Variants in RBM41 observed in about 807,000 individuals in gnomAD.
The protein encoded by RBM41 is RNA-binding protein 41.
In RBM41, 14 loss-of-function variants were observed where a neutral mutation model predicts 30.8. The observed-to-expected ratio is 0.45, with a 90% CI of 0.30 to 0.71. The LOEUF (loss-of-function observed/expected upper bound fraction) is 0.71, where lower values mean the gene tolerates loss of function less well. Among genes scored for constraint, RBM41 ranks in the 30% least tolerant of loss-of-function variants. The pLI is 0.08. For missense variants in RBM41, 276 were observed against 326.3 expected (o/e 0.85, Z 1.19); for synonymous variants, 120 against 110.1 (o/e 1.09, Z -0.56).
chrX:107,053,507 T>C, the RBM41 span, among the ~76,000 whole-genome samples: 2 of 113,078 alleles, frequency 1.8e-5, no homozygotes, highest in African/African-American at 6.4e-5. Context: ...ATTTCTGTGC[T>C]GAAGTTGTTC....
Position 107,067,037 on chromosome X carries a change from G to A in RBM41, c.*490C>T, listed in dbSNP as rs1935866392. 1.3e-6 allele frequency: 1 copy of A among 749,713 alleles called. No homozygotes were observed. Among genetic ancestry groups the A allele is most frequent in the Admixed American group, 8.9e-5 (1 of 11,242 alleles). The allele number at this position is 749,713 out of a possible 1,213,427, so 61.8% of individuals were successfully genotyped here. ...AAACTACCTACTATTACTGCTGATA[G>A]TTCTGACTTAATAGCATTTGTTGAT... On this transcript the variant is annotated 3_prime_UTR_variant, in exon 8 of 8. Transcript: ENST00000685964.
chrX:107,074,668 G>A (rs769513188), intron 6 of RBM41, among the ~76,000 whole-genome samples: 2 of 111,468 alleles, frequency 1.8e-5, no homozygotes, highest in East Asian at 5.6e-4. Context: ...CATTTACAAC[G>A]GTATTGAAAA....
At chrX:107,058,168 C>T (rs561555855), downstream of RBM41, among the ~76,000 whole-genome samples, 101 of 109,245 alleles carry the variant, frequency 9.2e-4, no homozygotes, top group Middle Eastern at 0.019. Flanking sequence ...TGGCACACAC[C>T]TGTAATCCCA....
intron 5 of RBM41, among the ~76,000 whole-genome samples, chrX:107,104,092 C>G (rs902360058): frequency 1.8e-5 from 2 of 110,439 alleles, no homozygotes; most frequent in Middle Eastern, 4.2e-3. Flanking sequence ...CCCCTACCCC[C>G]CCGCCAGAGA....
chrX:107,074,844 G>C (rs772199702), intron 6 of RBM41, among the ~76,000 whole-genome samples: 16 of 111,522 alleles, frequency 1.4e-4, no homozygotes, highest in Non-Finnish European at 3.0e-4. Context: ...TATCCAAAGC[G>C]GTCTACAGAT....
At chrX:107,115,706 A>G in intron 3 of RBM41, 150 bp from the exon 4 acceptor site, 1 of 880,067 alleles carries the variant, frequency 1.1e-6, no homozygotes, top group Admixed American at 3.1e-5. Context: ...CTTCTCTTTT[A>G]CCAATGTCTG....
chrX:107,112,794 G>T (rs1047193379), intron 5 of RBM41: 1 of 321,060 alleles, frequency 3.1e-6, no homozygotes, highest in African/African-American at 2.7e-5. Context: ...GTTACATGTT[G>T]TGTGATTCCA....
At chrX:107,091,136 A>G (rs1922507133) in intron 5 of RBM41, among the ~76,000 whole-genome samples, 1 of 111,696 alleles carries the variant, frequency 9.0e-6, no homozygotes, top group Non-Finnish European at 1.9e-5. Flanking sequence ...ATGAGTTTAT[A>G]TTGGTATTTC....
chrX:107,088,633 C>A lies in RBM41; in HGVS notation c.802G>T (p.Ala268Ser). 8.3e-7 allele frequency: 1 copy of A among 1,211,469 alleles called. No homozygotes were observed. Residue 268 changes from alanine to serine, a missense_variant, in exon 6 of 8, where the codon GCA becomes TCA. By Grantham distance (99) the Ala-to-Ser change is moderately conservative. Coordinates refer to ENST00000685964, the MANE Select transcript of RBM41 (RefSeq NM_001324242.2). ...TGGAGACTGGGGCCTTTACCCTGTG[C>A]TGCCTGTTTTCCCTTGTCCTGGAGT... ...SLLQDKGKQA[A>S]QGKGPSLHVA...
chrX:107,074,900 T>C (rs1474605978), intron 6 of RBM41, among the ~76,000 whole-genome samples: 1 of 111,476 alleles, frequency 9.0e-6, no homozygotes, highest in Non-Finnish European at 1.9e-5. Context: ...TTTACAGAAA[T>C]AGAAAAAACA....
chrX:107,063,949 TTTC>T lies in RBM41; in HGVS notation c.*3575_*3577del. ...GTGAGGTTAGTGCTATGGTCTTTCTTTTCTTTTTTTTTTTTTTTTTGAGATGGA... is the reference window on the plus strand; with the variant it reads ...GTGAGGTTAGTGCTATGGTCTTTCTTTTTTTTTTTTTTTTTTTGAGATGGA... On this transcript the variant is annotated 3_prime_UTR_variant, in exon 8 of 8. Transcript: ENST00000685964. Among the ~76,000 whole-genome samples the T allele has an allele frequency of 9.5e-6, 1 of 105,733 alleles. No individual in the cohort carries two copies. Among genetic ancestry groups the T allele is most frequent in the East Asian group, 2.9e-4 (1 of 3,400 alleles). The allele number at this position is 105,733 out of a possible 115,157, so 91.8% of individuals were successfully genotyped here. A position where few individuals can be genotyped will look rare whatever the true frequency, so the allele number is the denominator to read the frequency against.
At chrX:107,082,176 G>T (rs777669174) in intron 6 of RBM41, among the ~76,000 whole-genome samples, 18 of 111,204 alleles carry the variant, frequency 1.6e-4, no homozygotes, top group Non-Finnish European at 3.4e-4. Flanking sequence ...TCAAGTTAAG[G>T]ATGTTATAGT....
chrX:107,106,221 C>G (rs757272161), intron 5 of RBM41, among the ~76,000 whole-genome samples: 1 of 112,077 alleles, frequency 8.9e-6, no homozygotes, highest in African/African-American at 3.3e-5. Flanking sequence ...TATGAACAGA[C>G]ACTTCTCAAA....
chrX:107,071,115 T>C (rs1323569837), intron 6 of RBM41, among the ~76,000 whole-genome samples: 3 of 106,755 alleles, frequency 2.8e-5, no homozygotes, highest in Non-Finnish European at 5.8e-5. Flanking sequence ...GAACGTAAGA[T>C]GTTATCAGCT....
Position 107,062,002 on chromosome X carries a change from A to G in RBM41, c.*5525T>C, listed in dbSNP as rs1000476518. 8.9e-6 allele frequency among the ~76,000 whole-genome samples: 1 copy of G among 112,364 alleles called. No homozygotes were observed. Among genetic ancestry groups the G allele is most frequent in the Non-Finnish European group, 1.9e-5 (1 of 53,312 alleles). On this transcript the variant is annotated 3_prime_UTR_variant, in exon 8 of 8. Transcript: ENST00000685964. Reference sequence around the variant, plus strand: ...AAATGCATATACTTATGTAACTACAATAAAGACACGGAAAATTTCAATTAT... The same window carrying G: ...AAATGCATATACTTATGTAACTACAGTAAAGACACGGAAAATTTCAATTAT...
At chrX:107,116,329 A>G in intron 2 of RBM41, 1 of 823,228 alleles carries the variant, frequency 1.2e-6, no homozygotes, top group Non-Finnish European at 1.5e-6. Flanking sequence ...TATAAAAAAG[A>G]TAAAAATGGC....
chrX:107,090,390 C>T (rs1922428285), intron 5 of RBM41, among the ~76,000 whole-genome samples: 1 of 111,471 alleles, frequency 9.0e-6, no homozygotes, highest in Non-Finnish European at 1.9e-5. Context: ...AAAAAAATGT[C>T]CAATGGTGAC....
In RBM41 at chrX:107,067,327, T is replaced by C. The variant is rs1016005047; in HGVS notation, c.*200A>G. The C allele has an allele frequency of 1.2e-5, 11 of 947,660 alleles. No individual in the cohort carries two copies. The highest frequency in any genetic ancestry group is 7.8e-5 in the East Asian group (2 of 25,743). The allele number at this position is 947,660 out of a possible 1,213,427, so 78.1% of individuals were successfully genotyped here. A position where few individuals can be genotyped will look rare whatever the true frequency, so the allele number is the denominator to read the frequency against. On this transcript the variant is annotated 3_prime_UTR_variant, in exon 8 of 8. Transcript: ENST00000685964. Reference sequence around the variant, plus strand: ...CACTTTACCCTTCATACTCAGCATATCATCTGTCCTATATAGTCTTCAATT... The same window carrying C: ...CACTTTACCCTTCATACTCAGCATACCATCTGTCCTATATAGTCTTCAATT...
chrX:107,111,064 G>A (rs778382884), intron 5 of RBM41, among the ~76,000 whole-genome samples: 5 of 111,086 alleles, frequency 4.5e-5, no homozygotes, highest in Admixed American at 9.6e-5. Context: ...GGACTTCATC[G>A]AAATTAAACA....
Sources: gnomAD v4.1 joint callset for allele counts (sites outside exome capture counted in the v4.1 genomes callset) on GRCh38, gnomAD v4.1.1 for gene constraint, MANE v1.5 for transcripts, NCBI Gene and HGNC (gene_info 2026-07-23, HGNC 2026-07-21) for gene names.